Variants in NKAIN2 observed in about 807,000 individuals in gnomAD.
The protein encoded by NKAIN2 is sodium/potassium-transporting ATPase subunit beta-1-interacting protein 2.
NKAIN2 carries 14 observed loss-of-function variants against 32.6 expected under a neutral mutation model. That is an observed-to-expected ratio of 0.43 (90% CI 0.28 to 0.67). NKAIN2 has a LOEUF of 0.67. NKAIN2 is among the 30% of genes least tolerant of loss of function. The pLI is 0.17. For missense variants in NKAIN2, 198 were observed against 258.3 expected (o/e 0.77, Z 1.60); for synonymous variants, 80 against 87.2 (o/e 0.92, Z 0.46).
At chr6:124,496,887 G>T (rs1018462926) in intron 3 of NKAIN2, among the ~76,000 whole-genome samples, 2 of 152,082 alleles carry the variant, frequency 1.3e-5, no homozygotes, top group African/African-American at 4.8e-5. Context: ...ATGAGGTATG[G>T]AAATGAGATG....
intron 3 of NKAIN2, among the ~76,000 whole-genome samples, chr6:124,374,527 C>T (rs888302428): frequency 1.3e-5 from 2 of 152,142 alleles, no homozygotes; most frequent in Non-Finnish European, 2.9e-5. Flanking sequence ...CAGCGTCACG[C>T]TCTTTTGAAC....
intron 4 of NKAIN2, among the ~76,000 whole-genome samples, chr6:124,687,104 C>A (rs1773928625): frequency 6.7e-6 from 1 of 150,320 alleles, no homozygotes; most frequent in African/African-American, 2.4e-5. Context: ...ACCTTGTGAA[C>A]ATGTAAGTTA....
At chr6:124,771,994 G>T (rs1303854844) in intron 4 of NKAIN2, among the ~76,000 whole-genome samples, 3 of 152,164 alleles carry the variant, frequency 2.0e-5, no homozygotes, top group Non-Finnish European at 4.4e-5. Context: ...AATATAATGG[G>T]TGTGAAAGTC....
At chr6:124,802,953 C>G (rs532709399) in intron 5 of NKAIN2, among the ~76,000 whole-genome samples, 8 of 152,306 alleles carry the variant, frequency 5.3e-5, no homozygotes, top group African/African-American at 1.7e-4. Context: ...TGTGCTTAGA[C>G]TTTCAACATC....
At chr6:124,313,622 G>A (rs934652586) in intron 2 of NKAIN2, among the ~76,000 whole-genome samples, 11 of 152,018 alleles carry the variant, frequency 7.2e-5, no homozygotes, top group African/African-American at 2.7e-4. Flanking sequence ...GACCTTAGAG[G>A]AAAGATGGGG....
At chr6:124,073,199 G>A (rs961898120) in intron 1 of NKAIN2, among the ~76,000 whole-genome samples, 17 of 152,194 alleles carry the variant, frequency 1.1e-4, no homozygotes, top group African/African-American at 4.1e-4. Flanking sequence ...ACAATTCCCC[G>A]GGAGATTCCC....
At chr6:124,448,960 A>G (rs1435090719) in intron 3 of NKAIN2, among the ~76,000 whole-genome samples, 1 of 152,116 alleles carries the variant, frequency 6.6e-6, no homozygotes, top group Non-Finnish European at 1.5e-5. Context: ...AACCACTTTT[A>G]AGGGACAAGG....
intron 1 of NKAIN2, among the ~76,000 whole-genome samples, chr6:124,273,066 T>C (rs1334489043): frequency 2.6e-5 from 4 of 152,214 alleles, no homozygotes; most frequent in African/African-American, 9.6e-5. Flanking sequence ...GATTTTAGAC[T>C]TGGACTTTTG....
chr6:124,738,613 A>G (rs181007258), intron 4 of NKAIN2, among the ~76,000 whole-genome samples: 35 of 151,952 alleles, frequency 2.3e-4, no homozygotes, highest in Non-Finnish European at 3.4e-4. Flanking sequence ...CTATTTACCA[A>G]TATTTTACAC....
chr6:123,950,444 G>A (rs140707520), intron 1 of NKAIN2, among the ~76,000 whole-genome samples: 3 of 151,904 alleles, frequency 2.0e-5, no homozygotes, highest in East Asian at 3.9e-4. Context: ...TTTATTTGTG[G>A]GAAGTTTATT....
chr6:124,140,494 A>G (rs1178922204), intron 1 of NKAIN2, among the ~76,000 whole-genome samples: 2 of 152,182 alleles, frequency 1.3e-5, no homozygotes, highest in African/African-American at 2.4e-5. Flanking sequence ...TTCTAAGAAT[A>G]ATTGAAAATA....
chr6:124,559,183 G>T (rs947221430), intron 3 of NKAIN2, among the ~76,000 whole-genome samples: 5 of 152,132 alleles, frequency 3.3e-5, no homozygotes, highest in Admixed American at 3.3e-4. Flanking sequence ...GTGGAGGATG[G>T]TTGAATACAG....
At chr6:124,104,154 C>CA (rs1467649864) in intron 1 of NKAIN2, among the ~76,000 whole-genome samples, 1 of 152,152 alleles carries the variant, frequency 6.6e-6, no homozygotes, top group East Asian at 1.9e-4. Context: ...CTGTTTACCC[C>CA]TTCGCTCCCC....
At chr6:124,045,761 T>A (rs1782092393) in intron 1 of NKAIN2, among the ~76,000 whole-genome samples, 1 of 152,032 alleles carries the variant, frequency 6.6e-6, no homozygotes, top group Non-Finnish European at 1.5e-5. Flanking sequence ...AATTGATACA[T>A]TATGGCTTTA....
chr6:123,844,264 G>A (rs1173290328), intron 1 of NKAIN2, among the ~76,000 whole-genome samples: 1 of 152,198 alleles, frequency 6.6e-6, no homozygotes, highest in African/African-American at 2.4e-5. Flanking sequence ...CTGGCAGAGG[G>A]AACCAGACGT....
chr6:123,999,170 A>G (rs1166447765), intron 1 of NKAIN2, among the ~76,000 whole-genome samples: 1 of 152,168 alleles, frequency 6.6e-6, no homozygotes, highest in Admixed American at 6.5e-5. Flanking sequence ...AGGTTACATC[A>G]TTTGGGTATA....
chr6:124,601,271 G>C (rs1782296872), intron 3 of NKAIN2, among the ~76,000 whole-genome samples: 1 of 151,998 alleles, frequency 6.6e-6, no homozygotes, highest in South Asian at 2.1e-4. Context: ...CCATGCTTTG[G>C]AAAGAATGCC....
intron 3 of NKAIN2, among the ~76,000 whole-genome samples, chr6:124,458,140 A>G (rs1380643239): frequency 6.6e-6 from 1 of 151,994 alleles, no homozygotes; most frequent in Non-Finnish European, 1.5e-5. Flanking sequence ...AGTTTATTAT[A>G]TACATTTTTA....
intron 3 of NKAIN2, among the ~76,000 whole-genome samples, chr6:124,543,094 G>A (rs1349031007): frequency 1.3e-5 from 2 of 152,124 alleles, no homozygotes; most frequent in African/African-American, 2.4e-5. Context: ...ACACCACTAT[G>A]AAGTCGAAGG....
Sources: allele counts gnomAD v4.1 joint callset (sites outside exome capture counted in the v4.1 genomes callset), GRCh38; gene constraint gnomAD v4.1.1; transcripts MANE v1.5; gene names NCBI Gene and HGNC (gene_info 2026-07-23, HGNC 2026-07-21).